TNRC6A: variants seen among roughly 807,000 people sequenced by gnomAD.
The protein encoded by TNRC6A is trinucleotide repeat containing adaptor 6A, also known as trinucleotide repeat-containing gene 6A protein.
TNRC6A carries 44 observed loss-of-function variants against 221.2 expected under a neutral mutation model. That is an observed-to-expected ratio of 0.20 (90% confidence interval 0.16 to 0.26). The LOEUF (loss-of-function observed/expected upper bound fraction) is 0.26. TNRC6A is among the 10% of genes least tolerant of loss of function. The pLI is 1.00. For synonymous variants in TNRC6A, 847 were observed against 838.5 expected (o/e 1.01, Z -0.18); for missense variants, 2,199 against 2,404.4 (o/e 0.91, Z 1.79).
intron 2 of TNRC6A, among the ~76,000 whole-genome samples, chr16:24,674,860 AG>A (rs1389077277): frequency 5.9e-5 from 9 of 152,100 alleles, no homozygotes; most frequent in African/African-American, 2.2e-4. Context: ...TCCACCCACC[AG>A]GCAGTGGTAG....
At chr16:24,786,961 A>G (rs966708786) in intron 5 of TNRC6A, among the ~76,000 whole-genome samples, 1 of 152,190 alleles carries the variant, frequency 6.6e-6, no homozygotes, top group African/African-American at 2.4e-5. Context: ...GATTACAGGC[A>G]TAAGCCACGG....
chr16:24,692,339 G>A (rs1464345357), intron 2 of TNRC6A, among the ~76,000 whole-genome samples: 1 of 152,202 alleles, frequency 6.6e-6, no homozygotes, highest in Non-Finnish European at 1.5e-5. Flanking sequence ...GGGAGGCTGA[G>A]GCAGGCGGAT....
intron 4 of TNRC6A, among the ~76,000 whole-genome samples, chr16:24,758,945 C>T (rs917890098): frequency 6.6e-6 from 1 of 152,054 alleles, no homozygotes; most frequent in African/African-American, 2.4e-5. Flanking sequence ...ATCAGGAGTT[C>T]TTCACCCTCC....
Position 24,818,585 on chromosome 16 carries a change from C to G in TNRC6A, c.4973-8C>G. ...TCTGGTGGCTGATTGGACTCTTCCC[C>G]CACACAGGGTCATCCTCATCCTTGA... On this transcript the variant is annotated splice_polypyrimidine_tract_variant and splice_region_variant and intron_variant, in intron 20 of 24. Coordinates refer to ENST00000395799, the MANE Select transcript of TNRC6A (RefSeq NM_014494.4). 6.2e-7 allele frequency: 1 copy of G among 1,612,858 alleles called. No homozygotes were observed. Among genetic ancestry groups the G allele is most frequent in the Non-Finnish European group, 8.5e-7 (1 of 1,178,812 alleles).
chr16:24,700,725 T>TTC (rs1232803838), intron 2 of TNRC6A, among the ~76,000 whole-genome samples: 1 of 152,100 alleles, frequency 6.6e-6, no homozygotes, highest in Non-Finnish European at 1.5e-5. Context: ...TCTTAGCCAG[T>TTC]GAGATGCTGT....
At chr16:24,795,969 G>A (rs1272411693) in intron 9 of TNRC6A, 30 bp downstream of exon 9, 2 of 1,612,088 alleles carry the variant, frequency 1.2e-6, no homozygotes, top group Non-Finnish European at 1.7e-6. Flanking sequence ...TTTCTCCTTT[G>A]TTTCTACTAG....
chr16:24,813,777 T>C (rs564818170), intron 18 of TNRC6A, among the ~76,000 whole-genome samples: 9 of 152,376 alleles, frequency 5.9e-5, no homozygotes, highest in African/African-American at 2.2e-4. Context: ...CTTGTGTTGA[T>C]TAATGAAATA....
intron 11 of TNRC6A, among the ~76,000 whole-genome samples, chr16:24,799,469 G>A (rs1186690333): frequency 6.6e-6 from 1 of 152,102 alleles, no homozygotes; most frequent in Non-Finnish European, 1.5e-5. Flanking sequence ...TCTAAACTGA[G>A]GAGATGAACA....
intron 2 of TNRC6A, among the ~76,000 whole-genome samples, chr16:24,654,487 C>A (rs1471548813): frequency 6.6e-6 from 1 of 151,850 alleles, no homozygotes; most frequent in Non-Finnish European, 1.5e-5. Context: ...GGCGGATCAC[C>A]TGACATCAGG....
At chr16:24,736,445 T>A (rs1350185357) in intron 2 of TNRC6A, among the ~76,000 whole-genome samples, 3 of 152,184 alleles carry the variant, frequency 2.0e-5, no homozygotes, top group African/African-American at 7.2e-5. Flanking sequence ...TTTAAAGTTG[T>A]ATTTGTTCTT....
At chr16:24,782,971 A>G (rs142986005) in intron 5 of TNRC6A, among the ~76,000 whole-genome samples, 18 of 152,328 alleles carry the variant, frequency 1.2e-4, no homozygotes, top group Non-Finnish European at 2.6e-4. Context: ...TAAAACATAA[A>G]TATTATTTAC....
chr16:24,735,959 G>A (rs2056757792), intron 2 of TNRC6A, among the ~76,000 whole-genome samples: 1 of 152,142 alleles, frequency 6.6e-6, no homozygotes, highest in Non-Finnish European at 1.5e-5. Context: ...GAGGTCAGGA[G>A]TTCAACACCA....
chr16:24,744,850 C>T (rs114939915), intron 2 of TNRC6A, among the ~76,000 whole-genome samples: 2,298 of 152,162 alleles, frequency 0.015, 53 homozygotes, highest in African/African-American at 0.052. Context: ...TCTTTATGCA[C>T]GTACAAGGAC....
At chr16:24,631,330 G>A (rs1482686397) in intron 1 of TNRC6A, among the ~76,000 whole-genome samples, 1 of 152,066 alleles carries the variant, frequency 6.6e-6, no homozygotes, top group African/African-American at 2.4e-5. Flanking sequence ...AGTCTCAGAT[G>A]TCATCTTTCT....
At chr16:24,749,397 G>A (rs1255426250) in intron 2 of TNRC6A, among the ~76,000 whole-genome samples, 10 of 152,194 alleles carry the variant, frequency 6.6e-5, no homozygotes, top group Admixed American at 6.5e-4. Context: ...TCAGACTCCT[G>A]TGGAAGGTTT....
intron 2 of TNRC6A, among the ~76,000 whole-genome samples, chr16:24,712,986 C>T (rs2056236794): frequency 2.0e-5 from 3 of 149,770 alleles, no homozygotes; most frequent in Admixed American, 6.7e-5. Flanking sequence ...ACTATGTTGC[C>T]CAGGTTGGTC....
intron 2 of TNRC6A, among the ~76,000 whole-genome samples, chr16:24,682,916 G>T (rs1250501005): frequency 6.6e-6 from 1 of 152,156 alleles, no homozygotes; most frequent in Non-Finnish European, 1.5e-5. Flanking sequence ...TTCGATAAAT[G>T]CATCATTGAA....
At chr16:24,654,236 TG>T (rs1902829369) in intron 2 of TNRC6A, among the ~76,000 whole-genome samples, 1 of 152,176 alleles carries the variant, frequency 6.6e-6, no homozygotes, top group Admixed American at 6.6e-5. Context: ...TATTAGCCAA[TG>T]TTAACATATT....
chr16:24,729,466 C>T (rs1028852934), upstream of TNRC6A, among the ~76,000 whole-genome samples: 3 of 151,848 alleles, frequency 2.0e-5, no homozygotes, highest in Admixed American at 2.0e-4. Context: ...CTCCGCAGGC[C>T]CCCCCAGCCA....
Sources: gnomAD v4.1 joint callset for allele counts (sites outside exome capture counted in the v4.1 genomes callset) on GRCh38, gnomAD v4.1.1 for gene constraint, MANE v1.5 for transcripts, NCBI Gene and HGNC (gene_info 2026-07-23, HGNC 2026-07-21) for gene names.